COLQ: variants seen among roughly 807,000 people sequenced by gnomAD.
COLQ encodes collagen like tail subunit of asymmetric acetylcholinesterase, also known as acetylcholinesterase collagenic tail peptide.
In COLQ, 48 loss-of-function variants were observed where a neutral mutation model predicts 69.0. The observed-to-expected ratio is 0.70, with a 90% CI of 0.55 to 0.88. The LOEUF (loss-of-function observed/expected upper bound fraction) is 0.88. Ranked by LOEUF, COLQ falls within the 40% of genes least tolerant of loss-of-function variation. The probability of loss-of-function intolerance (pLI) is 0.00; values close to 1 mark genes in which losing one functional copy is unlikely to be tolerated. For missense variants in COLQ, 618 were observed against 594.6 expected, an observed-to-expected ratio of 1.04 and a Z score of -0.41; for synonymous variants, 217 against 211.2, an observed-to-expected ratio of 1.03 and a Z score of -0.24.
chr3:15,466,819 T>C (rs1236748311), intron 11 of COLQ, among the ~76,000 whole-genome samples: 2 of 152,240 alleles, frequency 1.3e-5, no homozygotes, highest in Non-Finnish European at 2.9e-5. Context: ...AAGCCTTGCA[T>C]GGCTAGGCTT....
chr3:15,451,657 C>A lies in COLQ; in HGVS notation c.1355G>T (p.Arg452Leu). 3 of 1,614,156 alleles carry A rather than the reference C, an allele frequency of 1.9e-6. No homozygotes were observed. The highest frequency in any genetic ancestry group is 2.5e-6 in the Non-Finnish European group (3 of 1,180,008). ...TCCTCACGGCCCTCAGGTGAAGTAG[C>A]GGCAGGGCGTGGAGTCGATGTAGCA... Reference protein sequence around the residue: ...QYCYIDSTPCRYFT With the variant: ...QYCYIDSTPCLYFT The change falls in exon 17 of 17, where the codon CGC becomes CTC. Residue 452 changes from arginine (R) to leucine (L), a missense_variant. Coordinates refer to ENST00000383788, the MANE Select transcript of COLQ (RefSeq NM_005677.4).
rs771279997 is a variant in COLQ at position 15,477,141 on chromosome 3, G to T, written c.450C>A (p.Gly150=). ...CCACACTTACCCTGGGTCCTTCAGG[G>T]CCTGGCCAACCGATGGGCCCAGGCA... is the stretch of plus-strand genomic sequence containing the variant. ...PGMPGPIGWP[G]PEGPRGEKGD... is the part of the protein sequence containing the mutation. The change falls in exon 6 of 17, where the codon GGC becomes GGA. Residue 150 remains glycine, a synonymous_variant. Coordinates refer to ENST00000383788, the MANE Select transcript of COLQ (RefSeq NM_005677.4). 6.2e-7 allele frequency: 1 copy of T among 1,602,994 alleles called. No homozygotes were observed. Among genetic ancestry groups the T allele is most frequent in the Admixed American group, 1.7e-5 (1 of 58,496 alleles).
chr3:15,509,626 C>T (rs1418415615), intron 1 of COLQ, among the ~76,000 whole-genome samples: 1 of 152,226 alleles, frequency 6.6e-6, no homozygotes, highest in Non-Finnish European at 1.5e-5. Context: ...TTCCTGAGTA[C>T]ATATTCTGAC....
chr3:15,455,185 G>T (rs568040604), intron 15 of COLQ, among the ~76,000 whole-genome samples: 9 of 152,238 alleles, frequency 5.9e-5, no homozygotes, highest in African/African-American at 2.2e-4. Context: ...CATTTTACAG[G>T]CAAGGAAAGT....
intron 1 of COLQ, chr3:15,506,824 C>T (rs932400163): frequency 6.6e-6 from 1 of 152,204 alleles, no homozygotes; most frequent in African/African-American, 2.4e-5. Flanking sequence ...GCACTATAGC[C>T]CAGAACTTCT....
chr3:15,493,329 G>A (rs2062699296), intron 1 of COLQ, among the ~76,000 whole-genome samples: 1 of 152,162 alleles, frequency 6.6e-6, no homozygotes, highest in Non-Finnish European at 1.5e-5. Flanking sequence ...CATGGGCTCT[G>A]GGGAAAAAGG....
intron 3 of COLQ, among the ~76,000 whole-genome samples, chr3:15,481,282 C>A (rs944159560): frequency 1.1e-4 from 17 of 152,166 alleles, no homozygotes; most frequent in Non-Finnish European, 2.2e-4. Context: ...TTTGCCCATG[C>A]CTATGTCCTG....
chr3:15,455,730 T>C (rs560021626), intron 15 of COLQ, among the ~76,000 whole-genome samples, 169 bp downstream of exon 15: 1 of 152,136 alleles, frequency 6.6e-6, no homozygotes, highest in Non-Finnish European at 1.5e-5. Context: ...ATATTTGGGC[T>C]GAAACTGGGG....
At chr3:15,490,499 T>C (rs144381180) in intron 1 of COLQ, among the ~76,000 whole-genome samples, 147 of 152,380 alleles carry the variant, frequency 9.6e-4, no homozygotes, top group Middle Eastern at 3.4e-3. Context: ...TTGCACTTTA[T>C]GTAAATGGAA....
chr3:15,484,655 T>C (rs1007683875), intron 3 of COLQ, among the ~76,000 whole-genome samples: 13 of 152,248 alleles, frequency 8.5e-5, no homozygotes, highest in African/African-American at 2.9e-4. Context: ...TCTCGCTTCA[T>C]TTCATTCATT....
At chr3:15,520,417 T>C (rs2063120358) in intron 1 of COLQ, among the ~76,000 whole-genome samples, 1 of 152,244 alleles carries the variant, frequency 6.6e-6, no homozygotes, top group South Asian at 2.1e-4. Flanking sequence ...GCTGATGAGC[T>C]GTTTTTATCA....
intron 1 of COLQ, among the ~76,000 whole-genome samples, chr3:15,515,041 A>G (rs1227933150): frequency 1.3e-5 from 2 of 152,172 alleles, no homozygotes; most frequent in Non-Finnish European, 2.9e-5. Flanking sequence ...GCTAAGCATA[A>G]AGGCTGGATT....
At chr3:15,475,556 G>A (rs1264544362) in intron 6 of COLQ, 69 bp from the exon 7 acceptor site, 1 of 1,438,038 alleles carries the variant, frequency 7.0e-7, no homozygotes, top group African/African-American at 1.4e-5. Context: ...GGAAGTCACA[G>A]GCAAGATTGG....
intron 12 of COLQ, 40 bp downstream of exon 12, chr3:15,466,301 T>C: frequency 6.9e-7 from 1 of 1,455,288 alleles, no homozygotes; most frequent in Non-Finnish European, 9.7e-7. Context: ...GGCTGGCCAG[T>C]ACTCCAACAG....
chr3:15,466,661 T>C (rs2062205545), intron 11 of COLQ, among the ~76,000 whole-genome samples: 2 of 142,868 alleles, frequency 1.4e-5, no homozygotes, highest in South Asian at 2.2e-4. Flanking sequence ...GCTCTACAAA[T>C]GTGGCACATG....
At chr3:15,479,315 T>C in intron 4 of COLQ, 23 bp downstream of exon 4, 1 of 1,612,736 alleles carries the variant, frequency 6.2e-7, no homozygotes, top group Non-Finnish European at 8.5e-7. Flanking sequence ...GAAAGAAGGG[T>C]TGAAGAAAGT....
Position 15,474,194 on chromosome 3 carries a change from T to C in COLQ, c.600+34A>G, listed in dbSNP as rs748734765. 4 of 1,613,330 alleles carry C rather than the reference T, an allele frequency of 2.5e-6. No individual in the cohort carries two copies. In the South Asian group the frequency reaches 3.3e-5, roughly 13 times the overall value. On this transcript the variant is annotated intron_variant, in intron 9 of 16. Coordinates refer to ENST00000383788, the MANE Select transcript of COLQ (RefSeq NM_005677.4). ...GTGGGGGCTGCTACTTGCACTGACA[T>C]TTATCATTTCTATGGAAAGGTTTTC...
chr3:15,460,501 AGGGG>A (rs2062096100), intron 12 of COLQ, among the ~76,000 whole-genome samples: 2 of 152,210 alleles, frequency 1.3e-5, no homozygotes, highest in Non-Finnish European at 2.9e-5. Flanking sequence ...TGGGGCAGCC[AGGGG>A]CTGGGAACAC....
At chr3:15,508,471 C>G (rs1251692994) in intron 1 of COLQ, among the ~76,000 whole-genome samples, 1 of 152,162 alleles carries the variant, frequency 6.6e-6, no homozygotes, top group East Asian at 1.9e-4. Context: ...CAAACTCCAA[C>G]CATTTGTATA....
Sources: gnomAD v4.1 joint callset for allele counts (sites outside exome capture counted in the v4.1 genomes callset) on GRCh38, gnomAD v4.1.1 for gene constraint, MANE v1.5 for transcripts, NCBI Gene and HGNC (gene_info 2026-07-23, HGNC 2026-07-21) for gene names.